The following ATF2 variants were observed in gnomAD, a reference collection of about 807,000 sequenced individuals.
ATF2 encodes activating transcription factor 2.
A neutral mutation model predicts 60.6 loss-of-function variants in ATF2; 24 were observed. That is an observed-to-expected ratio of 0.40 (90% confidence interval 0.29 to 0.56). The LOEUF (loss-of-function observed/expected upper bound fraction) is 0.56. ATF2 is among the 20% of genes least tolerant of loss of function. ATF2 has a pLI of 0.54. For synonymous variants in ATF2, 206 were observed against 215.4 expected (o/e 0.96, Z 0.38); for missense variants, 433 against 607.7 (o/e 0.71, Z 3.02).
intron 12 of ATF2, among the ~76,000 whole-genome samples, chr2:175,083,984 C>G (rs1327495657): frequency 6.6e-6 from 1 of 152,108 alleles, no homozygotes; most frequent in East Asian, 1.9e-4. Flanking sequence ...ATTAAAAAGG[C>G]AGGAAACAAC....
Position 175,094,760 on chromosome 2 carries a change from C to T in ATF2, c.979-1493G>A, listed in dbSNP as rs117589211. Among the ~76,000 whole-genome samples, 212 of 152,186 alleles carry T rather than the reference C, an allele frequency of 1.4e-3. 1 individual carries two copies. Among genetic ancestry groups the T allele is most frequent in the East Asian group, 0.011 (55 of 5,176 alleles). On this transcript the variant is annotated intron_variant, in intron 11 of 13. Transcript: ENST00000264110. ...AGTATTTCACGCCTGGGCAACATAG[C>T]AAAACCTCATCTCTACAAATAATTT...
chr2:175,114,179 T>C, intron 8 of ATF2, 71 bp from the exon 9 acceptor site: 2 of 1,496,834 alleles, frequency 1.3e-6, no homozygotes, highest in South Asian at 2.6e-5. Flanking sequence ...AATACAATAG[T>C]ATTTTTACTC....
At chr2:175,165,653 A>G (rs1700302793) in intron 1 of ATF2, among the ~76,000 whole-genome samples, 1 of 152,190 alleles carries the variant, frequency 6.6e-6, no homozygotes, top group East Asian at 1.9e-4. Context: ...CTATTTGTTA[A>G]AATGCTGACA....
chr2:175,153,835 G>GAAAAAGA (rs1699477298), intron 1 of ATF2, among the ~76,000 whole-genome samples: 1 of 129,012 alleles, frequency 7.8e-6, no homozygotes, highest in South Asian at 2.4e-4. Flanking sequence ...CTGCCTCAAA[G>GAAAAAGA]AAAAAAAAAA....
At chr2:175,130,036 A>T (rs1486200911) in intron 4 of ATF2, 102 bp downstream of exon 4, 7 of 932,682 alleles carry the variant, frequency 7.5e-6, no homozygotes, top group Non-Finnish European at 1.1e-5. Flanking sequence ...CTAAAATTTT[A>T]CAGAATACTG....
At chr2:175,126,254 TA>T (rs1158207909) in intron 4 of ATF2, among the ~76,000 whole-genome samples, 1 of 152,222 alleles carries the variant, frequency 6.6e-6, no homozygotes, top group Non-Finnish European at 1.5e-5. Context: ...TGCTACTTCT[TA>T]ATCTTCTGTG....
At chr2:175,134,000 GAGA>G (rs1697939757) in intron 3 of ATF2, among the ~76,000 whole-genome samples, 1 of 152,048 alleles carries the variant, frequency 6.6e-6, no homozygotes. Context: ...CAGAAGCTTT[GAGA>G]AGGACACAAA....
intron 4 of ATF2, among the ~76,000 whole-genome samples, chr2:175,125,739 C>T (rs1052984325): frequency 3.3e-5 from 5 of 152,058 alleles, no homozygotes; most frequent in South Asian, 4.1e-4. Flanking sequence ...GCCATGCTTT[C>T]GATTAATACA....
At chr2:175,120,569 T>G (rs910343210) in intron 5 of ATF2, among the ~76,000 whole-genome samples, 1 of 151,656 alleles carries the variant, frequency 6.6e-6, no homozygotes, top group Non-Finnish European at 1.5e-5. Context: ...TTAAAAGTAT[T>G]ACAGTATTTG....
chr2:175,164,339 G>C (rs1043733359), intron 1 of ATF2, among the ~76,000 whole-genome samples: 1 of 152,120 alleles, frequency 6.6e-6, no homozygotes, highest in African/African-American at 2.4e-5. Flanking sequence ...GTCGAGATCA[G>C]CCTGGCCAAC....
intron 10 of ATF2, among the ~76,000 whole-genome samples, chr2:175,109,596 CTG>C (rs1338422103): frequency 6.6e-6 from 1 of 152,174 alleles, no homozygotes; most frequent in Non-Finnish European, 1.5e-5. Flanking sequence ...TTTCTTAAAA[CTG>C]GATTTGTTCC....
intron 1 of ATF2, among the ~76,000 whole-genome samples, chr2:175,151,529 A>C (rs542914703): frequency 9.9e-5 from 15 of 152,284 alleles, no homozygotes; most frequent in Middle Eastern, 3.4e-3. Context: ...TGAGCATCAA[A>C]ATTTTTAGAG....
At chr2:175,167,627 C>G (rs745688315) in intron 1 of ATF2, 2 of 491,940 alleles carry the variant, frequency 4.1e-6, no homozygotes, top group Non-Finnish European at 8.4e-6. Flanking sequence ...CCCGCCCAAC[C>G]CAAGGACTGT....
chr2:175,136,365 C>T lies in ATF2; in HGVS notation c.32+47G>A, dbSNP rs143028251. Reference sequence around the variant, plus strand: ...AAACAAGCTATAAAGATTTTTACAACCCAAAATGTAAAAAATGGCTAAAAA... The same window carrying T: ...AAACAAGCTATAAAGATTTTTACAATCCAAAATGTAAAAAATGGCTAAAAA... On this transcript the variant is annotated intron_variant, in intron 3 of 13. Transcript: ENST00000264110. 3.8e-3 allele frequency: 5,939 copies of T among 1,570,656 alleles called. 27 individuals carry two copies. Among genetic ancestry groups the T allele is most frequent in the Non-Finnish European group, 4.2e-3 (4,764 of 1,145,624 alleles).
chr2:175,114,188 T>C (rs774129082), intron 8 of ATF2, 80 bp from the exon 9 acceptor site: 110 of 1,457,492 alleles, frequency 7.5e-5, no homozygotes, highest in Non-Finnish European at 3.7e-6. Flanking sequence ...GTATTTTTAC[T>C]CCTATAATCA....
intron 1 of ATF2, among the ~76,000 whole-genome samples, chr2:175,161,711 A>G (rs531869334): frequency 6.6e-5 from 10 of 152,288 alleles, no homozygotes; most frequent in Non-Finnish European, 1.2e-4. Flanking sequence ...AATAAATCAT[A>G]ATGACACATT....
chr2:175,144,214 T>C (rs1467472265), intron 2 of ATF2, among the ~76,000 whole-genome samples: 1 of 152,210 alleles, frequency 6.6e-6, no homozygotes, highest in Non-Finnish European at 1.5e-5. Flanking sequence ...GTTCCTAATA[T>C]AGTCCTAACT....
chr2:175,153,023 A>T (rs1394978791), intron 1 of ATF2, among the ~76,000 whole-genome samples: 1 of 152,238 alleles, frequency 6.6e-6, no homozygotes, highest in Non-Finnish European at 1.5e-5. Context: ...ACAAAAGACC[A>T]GGTACAAAAG....
intron 10 of ATF2, among the ~76,000 whole-genome samples, chr2:175,103,492 G>A (rs1695440860): frequency 6.6e-6 from 1 of 151,964 alleles, no homozygotes. Context: ...GATTAGCTCG[G>A]CATGCAGAGG....
Sources: gnomAD v4.1 joint callset for allele counts (sites outside exome capture counted in the v4.1 genomes callset) on GRCh38, gnomAD v4.1.1 for gene constraint, MANE v1.5 for transcripts, NCBI Gene and HGNC (gene_info 2026-07-23, HGNC 2026-07-21) for gene names.